CALN1: variants seen among roughly 807,000 people sequenced by gnomAD.
CALN1 encodes the protein calneuron 1.
Under a neutral mutation model 30.6 loss-of-function variants are expected in CALN1, and 17 were observed. The observed-to-expected ratio is 0.56, with a 90% CI of 0.38 to 0.83. The LOEUF (loss-of-function observed/expected upper bound fraction) is 0.83. Ranked by LOEUF, CALN1 falls within the 40% of genes least tolerant of loss-of-function variation. The pLI, the probability that CALN1 is intolerant of heterozygous loss-of-function variation, is 0.00. For synonymous variants in CALN1, 156 were observed against 131.4 expected, an observed-to-expected ratio of 1.19 and a Z score of -1.28; for missense variants, 291 against 354.9, an observed-to-expected ratio of 0.82 and a Z score of 1.45.
At chr7:71,893,206 C>T (rs1189341423) in intron 5 of CALN1, among the ~76,000 whole-genome samples, 1 of 152,132 alleles carries the variant, frequency 6.6e-6, no homozygotes, top group African/African-American at 2.4e-5. Flanking sequence ...TGGTTGTTTA[C>T]CACTTGGCTG....
At chr7:72,292,176 A>G (rs1488257806) in intron 2 of CALN1, among the ~76,000 whole-genome samples, 3 of 151,950 alleles carry the variant, frequency 2.0e-5, no homozygotes, top group Admixed American at 1.3e-4. Flanking sequence ...CCAACCCAAT[A>G]TAACAGAATA....
chr7:72,127,050 A>G (rs921544988), intron 3 of CALN1, among the ~76,000 whole-genome samples: 18 of 151,838 alleles, frequency 1.2e-4, no homozygotes, highest in Non-Finnish European at 2.4e-4. Flanking sequence ...AACCCAAAGG[A>G]GAGGAAGTAG....
At chr7:71,956,514 G>A (rs1796969989) in intron 5 of CALN1, among the ~76,000 whole-genome samples, 1 of 145,634 alleles carries the variant, frequency 6.9e-6, no homozygotes, top group Non-Finnish European at 1.5e-5. Context: ...TTAAACAGAG[G>A]GAGGGTGTCG....
chr7:72,027,363 G>C (rs888700286), intron 4 of CALN1, among the ~76,000 whole-genome samples: 1 of 152,118 alleles, frequency 6.6e-6, no homozygotes, highest in Non-Finnish European at 1.5e-5. Context: ...CCACAGTGAG[G>C]TCTAACTGTT....
intron 5 of CALN1, among the ~76,000 whole-genome samples, chr7:71,954,308 A>C (rs1796849524): frequency 6.6e-6 from 1 of 151,616 alleles, no homozygotes; most frequent in Admixed American, 6.6e-5. Flanking sequence ...AAATACAAAA[A>C]AATTAGCCAG....
intron 3 of CALN1, among the ~76,000 whole-genome samples, chr7:72,252,219 G>C (rs1468347446): frequency 6.6e-6 from 1 of 152,028 alleles, no homozygotes; most frequent in Non-Finnish European, 1.5e-5. Flanking sequence ...TATCTTGCTA[G>C]TCCTCCCTCA....
At chr7:72,112,552 T>C (rs990045901) in intron 3 of CALN1, among the ~76,000 whole-genome samples, 8 of 152,040 alleles carry the variant, frequency 5.3e-5, no homozygotes, top group Non-Finnish European at 8.8e-5. Context: ...CACCGGAAAA[T>C]GTAAGATACA....
intron 5 of CALN1, among the ~76,000 whole-genome samples, chr7:72,000,724 A>G (rs938967992): frequency 1.3e-5 from 2 of 152,108 alleles, no homozygotes; most frequent in Non-Finnish European, 2.9e-5. Flanking sequence ...CAGACAGCAC[A>G]AAACAAACAA....
intron 4 of CALN1, among the ~76,000 whole-genome samples, chr7:72,071,896 A>G (rs2129538150): frequency 6.6e-6 from 1 of 152,344 alleles, no homozygotes; most frequent in East Asian, 1.9e-4. Flanking sequence ...ACAATGTTAT[A>G]AAGAAGATGG....
chr7:71,843,001 G>C (rs1388542956), intron 5 of CALN1, among the ~76,000 whole-genome samples: 1 of 152,192 alleles, frequency 6.6e-6, no homozygotes, highest in African/African-American at 2.4e-5. Flanking sequence ...TTCCAGGGTA[G>C]TGAGAGGTTG....
intron 2 of CALN1, among the ~76,000 whole-genome samples, chr7:72,337,909 C>G (rs1054556286): frequency 6.6e-6 from 1 of 152,250 alleles, no homozygotes; most frequent in Admixed American, 6.5e-5. Context: ...CGCAGACTGT[C>G]TGCAACCTGC....
At chr7:72,153,779 A>G (rs1787448857) in intron 3 of CALN1, among the ~76,000 whole-genome samples, 1 of 152,190 alleles carries the variant, frequency 6.6e-6, no homozygotes, top group African/African-American at 2.4e-5. Flanking sequence ...TCATCGCAGG[A>G]CATCCACTGG....
At chr7:72,279,991 T>C (rs1797625933) in intron 2 of CALN1, among the ~76,000 whole-genome samples, 1 of 152,008 alleles carries the variant, frequency 6.6e-6, no homozygotes, top group Admixed American at 6.6e-5. Context: ...CCCCTGAAAA[T>C]TAAAAGGTTT....
intron 6 of CALN1, among the ~76,000 whole-genome samples, chr7:71,798,101 CAGAGAGAGACAGAGACAGAGACAG>C (rs1554339103): frequency 4.2e-3 from 323 of 76,836 alleles, no homozygotes; most frequent in African/African-American, 0.017. Context: ...GAGAGAGAGA[CAGAGAGAGACAGAGACAGAGACAG>C]AGAGAGAGAG....
intron 5 of CALN1, among the ~76,000 whole-genome samples, chr7:71,971,953 A>AATAGAAAG (rs1797838362): frequency 5.5e-5 from 4 of 72,838 alleles, no homozygotes; most frequent in Non-Finnish European, 8.9e-5. Context: ...AAAAAAAAAA[A>AATAGAAAG]AAAGAAAGAA....
chr7:72,158,442 C>T (rs1054802523), intron 3 of CALN1, among the ~76,000 whole-genome samples: 9 of 152,150 alleles, frequency 5.9e-5, no homozygotes, highest in African/African-American at 2.2e-4. Context: ...CCCACTCCAC[C>T]TCTCCAATCC....
At chr7:72,339,316 C>A (rs548383978) in intron 2 of CALN1, among the ~76,000 whole-genome samples, 6 of 152,138 alleles carry the variant, frequency 3.9e-5, no homozygotes, top group Non-Finnish European at 8.8e-5. Context: ...AATTTCTTTT[C>A]TTTGGGGTAT....
At chr7:72,307,945 G>A (rs1379614506) in intron 2 of CALN1, among the ~76,000 whole-genome samples, 4 of 151,668 alleles carry the variant, frequency 2.6e-5, no homozygotes, top group Non-Finnish European at 4.4e-5. Flanking sequence ...GAGTTCACCA[G>A]AAGGACATTT....
At chr7:71,945,017 G>T (rs1796334966) in intron 5 of CALN1, among the ~76,000 whole-genome samples, 1 of 152,170 alleles carries the variant, frequency 6.6e-6, no homozygotes, top group South Asian at 2.1e-4. Context: ...GGTGGGAGGG[G>T]CATGGGTCAT....
Sources: allele counts gnomAD v4.1 joint callset (sites outside exome capture counted in the v4.1 genomes callset), GRCh38; gene constraint gnomAD v4.1.1; transcripts MANE v1.5; gene names NCBI Gene and HGNC (gene_info 2026-07-23, HGNC 2026-07-21).